Variants in C5 observed in about 807,000 individuals in gnomAD.
The protein encoded by C5 is C3 and PZP-like alpha-2-macroglobulin domain-containing protein 4.
In C5, 140 loss-of-function variants were observed where a neutral mutation model predicts 218.8. The observed-to-expected ratio is 0.64, with a 90% CI of 0.56 to 0.74. The LOEUF (loss-of-function observed/expected upper bound fraction) is 0.74. Among genes scored for constraint, C5 ranks in the 30% least tolerant of loss-of-function variants. C5 has a pLI of 0.00. For synonymous variants in C5, 614 were observed against 682.3 expected, an observed-to-expected ratio of 0.90 and a Z score of 1.56; for missense variants, 1,700 against 1,969.6, an observed-to-expected ratio of 0.86 and a Z score of 2.59.
At chr9:120,990,036 G>A (rs2047065472) in intron 23 of C5, among the ~76,000 whole-genome samples, 1 of 151,972 alleles carries the variant, frequency 6.6e-6, no homozygotes, top group African/African-American at 2.4e-5. Context: ...ATTGCTGCAA[G>A]AGAACATGGC....
intron 38 of C5, among the ~76,000 whole-genome samples, 167 bp downstream of exon 38, chr9:120,960,081 T>TA (rs41313605): frequency 0.2 from 30,293 of 152,174 alleles, 5,319 homozygotes; most frequent in African/African-American, 0.47. Context: ...TGCTGAGGAA[T>TA]AAAAACTTTG....
the C5 span, among the ~76,000 whole-genome samples, chr9:121,057,038 TTTC>T: frequency 1.3e-5 from 2 of 152,184 alleles, no homozygotes; most frequent in Admixed American, 6.5e-5. Context: ...TGGCAACAGA[TTTC>T]TTAGCAGAAA....
At chr9:120,974,410 C>G (rs1181327492) in intron 30 of C5, among the ~76,000 whole-genome samples, 1 of 152,228 alleles carries the variant, frequency 6.6e-6, no homozygotes, top group Non-Finnish European at 1.5e-5. Flanking sequence ...AATGTTCTTC[C>G]TTTTTCTTCA....
upstream of C5, chr9:121,050,337 T>C (rs2047662921): frequency 9.6e-7 from 1 of 1,044,446 alleles, no homozygotes; most frequent in South Asian, 1.3e-5. Context: ...GATAATCTGG[T>C]TAATTATTAA....
intron 21 of C5, among the ~76,000 whole-genome samples, chr9:120,997,106 T>C (rs1266620184): frequency 6.6e-6 from 1 of 152,096 alleles, no homozygotes; most frequent in Non-Finnish European, 1.5e-5. Flanking sequence ...TCAAGGGCCA[T>C]GTCTTATTTA....
chr9:120,989,664 A>C lies in C5; in HGVS notation c.3058T>G (p.Tyr1020Asp). Residue 1020 changes from tyrosine to aspartate, a missense_variant, in exon 24 of 41, where the codon TAT becomes GAT. By Grantham distance (160) the Tyr-to-Asp change is radical. Coordinates refer to ENST00000223642, the MANE Select transcript of C5 (RefSeq NM_001735.3). ...CCTGTTTCCAGGTAGTGAAAAACAT[A>C]GAATACTGGGACAACGCTCATCAGC... ...AELMSVVPVF[Y>D]VFHYLETGNH... The C allele has an allele frequency of 6.2e-7, 1 of 1,613,832 alleles. No individual in the cohort carries two copies. Among genetic ancestry groups the C allele is most frequent in the Non-Finnish European group, 8.5e-7 (1 of 1,179,710 alleles).
the C5 span, among the ~76,000 whole-genome samples, chr9:121,065,013 T>C: frequency 1.3e-5 from 2 of 152,140 alleles, no homozygotes; most frequent in South Asian, 4.1e-4. Context: ...GAGGTTGCAG[T>C]AGGCCAAGAT....
Position 120,963,715 on chromosome 9 carries a change from G to A in C5, c.4244C>T (p.Ser1415Leu). The A allele has an allele frequency of 6.2e-7, 1 of 1,613,214 alleles. No individual in the cohort carries two copies. Among genetic ancestry groups the A allele is most frequent in the East Asian group, 2.2e-5 (1 of 44,860 alleles). Residue 1415 changes from serine to leucine, a missense_variant, in exon 34 of 41, where the codon TCA (serine) becomes TTA (leucine). Ser to Leu is a moderately radical substitution (Grantham distance 145). Transcript: ENST00000223642. ...CASYKPSREESSSGSSHAVMD... is the reference protein window; with the variant it reads ...CASYKPSREELSSGSSHAVMD... The stretch of plus-strand genomic sequence containing the variant: ...CACCGCATGAGAGGATCCAGATGAT[G>A]ATTCTTCCCTGCTGGGCTTGTAGCT...
Position 120,980,237 on chromosome 9 carries a change from T to A in C5, c.3504A>T (p.Leu1168=), listed in dbSNP as rs756322573. Reference sequence around the variant, plus strand: ...CAAGCAGAAAGTTGTCAGCTTTAATTAGAGCTGTGTCGATTTTCTGGAAAC... The same window carrying A: ...CAAGCAGAAAGTTGTCAGCTTTAATAAGAGCTGTGTCGATTTTCTGGAAAC... The part of the protein sequence containing the change: ...ICPLVKIDTA[L]IKADNFLLEN... The change falls in exon 28 of 41, where the codon CTA becomes CTT. Residue 1168 remains leucine, a synonymous_variant. Coordinates refer to ENST00000223642, the MANE Select transcript of C5 (RefSeq NM_001735.3). 1.9e-6 allele frequency: 3 copies of A among 1,614,132 alleles called. No individual in the cohort carries two copies. The highest frequency in any genetic ancestry group is 1.3e-5 in the African/African-American group (1 of 75,048).
In C5 at chr9:120,965,838, C is replaced by T. The variant is rs991435627; in HGVS notation, c.4221-2100G>A. On this transcript the variant is annotated intron_variant, in intron 33 of 40. Coordinates refer to ENST00000223642, the MANE Select transcript of C5 (RefSeq NM_001735.3). ...AGTGTCTATGAAAAGGTTGCTGGAG[C>T]CTTGATGACTGGTTGCCATGGAGAC... Among the ~76,000 whole-genome samples the T allele has an allele frequency of 2.0e-5, 3 of 152,254 alleles. No homozygotes were observed. The East Asian group carries it at 5.8e-4, about 29-fold the overall frequency.
chr9:120,996,146 A>G (rs2047114681), intron 22 of C5, 94 bp downstream of exon 22: 3 of 999,292 alleles, frequency 3.0e-6, no homozygotes, highest in East Asian at 2.4e-5. Context: ...ATTTTAGACA[A>G]TTCACTTTCT....
chr9:121,024,762 A>G (rs143405859), intron 9 of C5, among the ~76,000 whole-genome samples: 102 of 152,296 alleles, frequency 6.7e-4, no homozygotes, highest in Non-Finnish European at 1.3e-3. Context: ...TTTTGCTTAG[A>G]GCTCATATGG....
At chr9:121,018,754 G>GAAGGA (rs1564154023) in intron 12 of C5, among the ~76,000 whole-genome samples, 1 of 107,272 alleles carries the variant, frequency 9.3e-6, no homozygotes, top group Non-Finnish European at 2.0e-5. Flanking sequence ...AGGAAGGAAG[G>GAAGGA]AAGGAAGGAA....
the C5 span, among the ~76,000 whole-genome samples, chr9:121,064,353 A>G: frequency 1.3e-5 from 2 of 152,176 alleles, no homozygotes; most frequent in African/African-American, 4.8e-5. Flanking sequence ...AGAAAACTAT[A>G]AACTAGCTTC....
intron 31 of C5, among the ~76,000 whole-genome samples, chr9:120,971,077 C>T (rs1466032452): frequency 6.7e-6 from 1 of 149,126 alleles, no homozygotes; most frequent in Non-Finnish European, 1.5e-5. Context: ...GAGGCTGAGG[C>T]AGGAGAATTG....
At chr9:120,990,408 G>C (rs957501472) in intron 23 of C5, among the ~76,000 whole-genome samples, 2 of 152,214 alleles carry the variant, frequency 1.3e-5, no homozygotes, top group African/African-American at 4.8e-5. Flanking sequence ...GAGAATCCCT[G>C]CTATGGTTTG....
At chr9:121,064,199 G>A in the C5 span, among the ~76,000 whole-genome samples, 3 of 149,796 alleles carry the variant, frequency 2.0e-5, no homozygotes, top group Non-Finnish European at 4.4e-5. Flanking sequence ...ATATATAATT[G>A]AGTATGATTT....
chr9:121,054,461 G>A (rs2047688564), upstream of C5, among the ~76,000 whole-genome samples: 1 of 152,172 alleles, frequency 6.6e-6, no homozygotes, highest in Non-Finnish European at 1.5e-5. Context: ...TTAGCTGGGT[G>A]TGGTGACAGG....
intron 16 of C5, 70 bp downstream of exon 16, chr9:121,015,129 C>T (rs1245610807): frequency 1.1e-6 from 1 of 948,912 alleles, no homozygotes; most frequent in East Asian, 2.4e-5. Flanking sequence ...ATTTATATAA[C>T]ATTTAATTTT....
Sources: allele counts gnomAD v4.1 joint callset (sites outside exome capture counted in the v4.1 genomes callset), GRCh38; gene constraint gnomAD v4.1.1; transcripts MANE v1.5; gene names NCBI Gene and HGNC (gene_info 2026-07-23, HGNC 2026-07-21).